TUSC3: variants seen among roughly 807,000 people sequenced by gnomAD.
The protein encoded by TUSC3 is dolichyl-diphosphooligosaccharide--protein glycosyltransferase subunit TUSC3.
TUSC3 carries 45 observed loss-of-function variants against 44.8 expected under a neutral mutation model. The ratio of observed to expected loss-of-function variants is 1.00; its 90% CI spans 0.79 to 1.29. The LOEUF (loss-of-function observed/expected upper bound fraction) is 1.29, where lower values mean the gene tolerates loss of function less well. Among genes scored for constraint, TUSC3 ranks in the 50% most tolerant of loss-of-function variants. TUSC3 has a pLI of 0.00. For missense variants in TUSC3, 519 were observed against 437.9 expected (o/e 1.19, Z -1.65); for synonymous variants, 212 against 152.9 (o/e 1.39, Z -2.85).
In TUSC3 at chr8:15,623,140, C is replaced by T. The variant is rs556175851; in HGVS notation, c.199C>T (p.Arg67Ter). 4.3e-6 allele frequency: 7 copies of T among 1,613,530 alleles called. No individual in the cohort carries two copies. The highest frequency in any genetic ancestry group is 2.2e-5 in the South Asian group (2 of 91,014). Residue 67 changes from arginine to a stop codon, truncating the protein, a stop_gained, in exon 2 of 11, where the codon CGA (arginine) becomes TGA (stop). Coordinates refer to ENST00000503731, the MANE Select transcript of TUSC3 (RefSeq NM_006765.4). LOFTEE classifies it high-confidence loss of function. ...MEWSSRRSIF[R>*]MNGDKFRKFI... is the part of the protein sequence containing the mutation. Reference sequence around the variant, plus strand: ...ATGGAGTTCCAGACGCTCAATCTTCCGAATGAATGGTGATAAATTCCGAAA... The same window carrying T: ...ATGGAGTTCCAGACGCTCAATCTTCTGAATGAATGGTGATAAATTCCGAAA...
chr8:15,763,413 CTTTTT>C (rs1229222077), intron 10 of TUSC3, among the ~76,000 whole-genome samples: 1 of 150,140 alleles, frequency 6.7e-6, no homozygotes, highest in African/African-American at 2.4e-5. Flanking sequence ...TTTTTGTTTT[CTTTTT>C]TTAAGTACAA....
At chr8:15,524,056 C>G (rs1265599954) in intron 2 of TUSC3, among the ~76,000 whole-genome samples, 1 of 135,728 alleles carries the variant, frequency 7.4e-6, no homozygotes, top group Non-Finnish European at 1.6e-5. Context: ...GACTCCGTCT[C>G]AAAAAAAAAA....
rs186330689 is a variant in TUSC3, at chr8:15,661,756, A to G, written c.568-400A>G. 2.5e-3 allele frequency among the ~76,000 whole-genome samples: 385 copies of G among 151,974 alleles called. 1 individual carries two copies. Among genetic ancestry groups the G allele is most frequent in the African/African-American group, 8.9e-3 (368 of 41,506 alleles). On this transcript the variant is annotated intron_variant, in intron 4 of 10. Transcript: ENST00000503731. ...AAAAGTAGCACACAGAATGGGGGAA[A>G]ATATTTGCAAATAATTTTTCTATAA...
chr8:15,663,361 CAT>C (rs1265236760), intron 5 of TUSC3, among the ~76,000 whole-genome samples: 5 of 151,578 alleles, frequency 3.3e-5, no homozygotes, highest in Non-Finnish European at 5.9e-5. Context: ...ATCTGTAAAA[CAT>C]AACAGATTGT....
chr8:15,679,920 G>A (rs893571930), intron 6 of TUSC3, among the ~76,000 whole-genome samples: 7 of 151,922 alleles, frequency 4.6e-5, no homozygotes, highest in South Asian at 2.1e-4. Flanking sequence ...CTTCTGGGTC[G>A]TCTATTGTGT....
intron 7 of TUSC3, among the ~76,000 whole-genome samples, chr8:15,732,490 C>G (rs1440813896): frequency 6.6e-6 from 1 of 152,032 alleles, no homozygotes; most frequent in Non-Finnish European, 1.5e-5. Flanking sequence ...TATAAATTAC[C>G]CAAGCTCATG....
chr8:15,695,055 C>G (rs561068448), intron 6 of TUSC3, among the ~76,000 whole-genome samples: 2 of 152,204 alleles, frequency 1.3e-5, no homozygotes, highest in Non-Finnish European at 2.9e-5. Flanking sequence ...TCCATTCACA[C>G]TGACAGCAGT....
chr8:15,785,229 AAAG>A, the TUSC3 span, among the ~76,000 whole-genome samples: 10 of 152,122 alleles, frequency 6.6e-5, no homozygotes, highest in Non-Finnish European at 1.0e-4. Context: ...GAAATTTTAA[AAAG>A]AAGATCTGTT....
the TUSC3 span, among the ~76,000 whole-genome samples, chr8:15,796,151 A>C: frequency 6.6e-6 from 1 of 152,008 alleles, no homozygotes; most frequent in African/African-American, 2.4e-5. Context: ...TATCCAGTCT[A>C]TGTCGGTGGA....
At chr8:15,452,810 C>G (rs1585051140) in intron 1 of TUSC3, among the ~76,000 whole-genome samples, 1 of 152,298 alleles carries the variant, frequency 6.6e-6, no homozygotes, top group East Asian at 1.9e-4. Flanking sequence ...CCTATAAAAT[C>G]TCCAGGAAGC....
intron 1 of TUSC3, among the ~76,000 whole-genome samples, chr8:15,462,204 G>T (rs1800355223): frequency 6.6e-6 from 1 of 152,000 alleles, no homozygotes; most frequent in Non-Finnish European, 1.5e-5. Flanking sequence ...TGAGCACTTT[G>T]CAGGTCATAA....
intron 1 of TUSC3, among the ~76,000 whole-genome samples, chr8:15,582,425 G>C (rs986158417): frequency 6.6e-6 from 1 of 152,188 alleles, no homozygotes; most frequent in African/African-American, 2.4e-5. Context: ...GGAAATGGAA[G>C]ATACGTACCT....
chr8:15,565,398 G>A (rs566605803), intron 1 of TUSC3, among the ~76,000 whole-genome samples: 20 of 152,106 alleles, frequency 1.3e-4, no homozygotes, highest in African/African-American at 4.8e-4. Context: ...GTCAGGTAAG[G>A]TAACAATTAA....
intron 1 of TUSC3, among the ~76,000 whole-genome samples, chr8:15,591,050 A>G (rs1384580671): frequency 6.6e-6 from 1 of 152,174 alleles, no homozygotes; most frequent in Non-Finnish European, 1.5e-5. Flanking sequence ...AAGTACTTTT[A>G]AGAAAGTGTG....
At chr8:15,669,559 G>A (rs1033875972) in intron 5 of TUSC3, among the ~76,000 whole-genome samples, 1 of 151,680 alleles carries the variant, frequency 6.6e-6, no homozygotes, top group Non-Finnish European at 1.5e-5. Flanking sequence ...ACTAATACAA[G>A]AATGGTTTAC....
the TUSC3 span, among the ~76,000 whole-genome samples, chr8:15,823,500 G>A: frequency 0.17 from 26,184 of 152,042 alleles, 2,408 homozygotes; most frequent in Admixed American, 0.28. Context: ...ATTGAAGTCA[G>A]TATTTAGGAA....
intron 6 of TUSC3, among the ~76,000 whole-genome samples, chr8:15,685,994 A>G (rs1808612819): frequency 6.6e-6 from 1 of 152,176 alleles, no homozygotes; most frequent in Admixed American, 6.5e-5. Flanking sequence ...ATGTAAATGA[A>G]TACAGAGAAT....
At chr8:15,678,361 A>T (rs985220558) in intron 6 of TUSC3, among the ~76,000 whole-genome samples, 25 of 152,186 alleles carry the variant, frequency 1.6e-4, no homozygotes, top group African/African-American at 5.8e-4. Context: ...TATACTACTC[A>T]TAGACTGTAT....
chr8:15,799,086 C>T, the TUSC3 span, among the ~76,000 whole-genome samples: 1 of 152,152 alleles, frequency 6.6e-6, no homozygotes, highest in African/African-American at 2.4e-5. Flanking sequence ...TCCCTTATAG[C>T]AGCCAGGATG....
Sources: allele counts gnomAD v4.1 joint callset (sites outside exome capture counted in the v4.1 genomes callset), GRCh38; gene constraint gnomAD v4.1.1; transcripts MANE v1.5; gene names NCBI Gene and HGNC (gene_info 2026-07-23, HGNC 2026-07-21).